Variants in PROS1 observed in about 807,000 individuals in gnomAD.
The protein encoded by PROS1 is vitamin K-dependent protein S.
In PROS1, 29 loss-of-function variants were observed where a neutral mutation model predicts 75.9. The ratio of observed to expected loss-of-function variants is 0.38; its 90% CI spans 0.28 to 0.52. The LOEUF is 0.52. Among genes scored for constraint, PROS1 ranks in the 20% least tolerant of loss-of-function variants. The pLI, the probability that PROS1 is intolerant of heterozygous loss-of-function variation, is 0.83. For synonymous variants in PROS1, 245 were observed against 280.6 expected (o/e 0.87, Z 1.27); for missense variants, 680 against 810.3 (o/e 0.84, Z 1.95).
intron 1 of PROS1, among the ~76,000 whole-genome samples, chr3:93,940,083 C>T (rs559920902): frequency 1.1e-4 from 17 of 152,308 alleles, no homozygotes; most frequent in African/African-American, 2.4e-4. Context: ...CTTCAAGTGC[C>T]GGAAATCTGG....
chr3:93,910,493 T>G, intron 4 of PROS1, 126 bp downstream of exon 4: 2 of 784,204 alleles, frequency 2.6e-6, no homozygotes, highest in Non-Finnish European at 4.4e-6. Context: ...AAATACTTCC[T>G]TGCTGGGCAT....
rs1265949362 is a variant in PROS1, at chr3:93,910,604, G to A, written c.346+15C>T. On this transcript the variant is annotated intron_variant, in intron 4 of 14. Coordinates refer to ENST00000394236, the MANE Select transcript of PROS1 (RefSeq NM_000313.4). ...TTTTTGTTTTGTTTTTTCAATTGAT[G>A]GTAGAAGTGCTTACCATTGACACAG... 1.3e-6 allele frequency: 2 copies of A among 1,597,612 alleles called. No individual in the cohort carries two copies. Among genetic ancestry groups the A allele is most frequent in the East Asian group, 4.5e-5 (2 of 44,788 alleles).
At chr3:93,960,289 G>A (rs1311353654) in intron 1 of PROS1, among the ~76,000 whole-genome samples, 1 of 150,820 alleles carries the variant, frequency 6.6e-6, no homozygotes, top group Non-Finnish European at 1.5e-5. Context: ...CCATTCTCCT[G>A]CCTCAGCCTC....
intron 6 of PROS1, among the ~76,000 whole-genome samples, chr3:93,902,973 T>G (rs1708620002): frequency 6.6e-6 from 1 of 151,656 alleles, no homozygotes; most frequent in African/African-American, 2.4e-5. Context: ...TTCACGCTAT[T>G]CTCCTGCCTC....
rs1008057923 is a variant in PROS1, at chr3:93,873,815, GA to G, written c.*429del. 8 of 193,842 alleles carry G rather than the reference GA, an allele frequency of 4.1e-5. No homozygotes were observed. The South Asian group carries it at 5.7e-4, about 14-fold the overall frequency. The allele number at this position is 193,842 out of a possible 1,614,324, so 12.0% of individuals were successfully genotyped here. A position where few individuals can be genotyped will look rare whatever the true frequency, so the allele number is the denominator to read the frequency against. ...CCACCATCTCTTCTGCCTTCATCAG[GA>G]AAAAAACAAAAACATAAACAAAATA... is the stretch of plus-strand genomic sequence containing the variant. On this transcript the variant is annotated 3_prime_UTR_variant, in exon 15 of 15. Coordinates refer to ENST00000394236, the MANE Select transcript of PROS1 (RefSeq NM_000313.4).
At chr3:93,874,448 C>T in intron 14 of PROS1, 43 bp from the exon 15 acceptor site, 1 of 1,607,720 alleles carries the variant, frequency 6.2e-7, no homozygotes, top group South Asian at 1.1e-5. Context: ...AGACTTTTAG[C>T]ATCTTGTTTG....
At chr3:93,897,363 T>C (rs1258606014) in intron 8 of PROS1, among the ~76,000 whole-genome samples, 1 of 151,918 alleles carries the variant, frequency 6.6e-6, no homozygotes, top group African/African-American at 2.4e-5. Flanking sequence ...TGAACACATA[T>C]GAGGATATTT....
rs1321771249 is a variant in PROS1, at chr3:93,874,347, A to G, written c.1929T>C (p.Asn643=). ...NAFYNGCMEV[N]INGVQLDLDE... is the part of the protein sequence containing the mutation. ...CCAGATCCAACTGTACACCATTAAT[A>G]TTCACTTCCATGCAGCCATTATAAA... The change falls in exon 15 of 15, where the codon AAT becomes AAC. Residue 643 remains asparagine (N), a synonymous_variant. Transcript: ENST00000394236. The G allele has an allele frequency of 6.2e-7, 1 of 1,613,338 alleles. No homozygotes were observed. Among genetic ancestry groups the G allele is most frequent in the Non-Finnish European group, 8.5e-7 (1 of 1,179,552 alleles).
At chr3:93,924,297 A>C in intron 2 of PROS1, 33 bp from the exon 3 acceptor site, 1 of 1,220,982 alleles carries the variant, frequency 8.2e-7, no homozygotes, top group Non-Finnish European at 1.1e-6. Flanking sequence ...ATATCTTAGC[A>C]AACCTAAATT....
intron 1 of PROS1, among the ~76,000 whole-genome samples, chr3:93,968,576 A>T (rs989816421): frequency 6.6e-6 from 1 of 152,166 alleles, no homozygotes. Flanking sequence ...AATTTTTTAC[A>T]TTCCGTCCTC....
chr3:93,916,046 G>C (rs372113880), intron 3 of PROS1, among the ~76,000 whole-genome samples: 2 of 152,246 alleles, frequency 1.3e-5, no homozygotes, highest in Admixed American at 6.5e-5. Context: ...TCTGGAGGCT[G>C]GGAAGTCCAA....
intron 1 of PROS1, among the ~76,000 whole-genome samples, chr3:93,957,879 A>G (rs375200865): frequency 3.2e-4 from 48 of 152,262 alleles, no homozygotes; most frequent in Middle Eastern, 6.8e-3. Context: ...CACCTGGATC[A>G]GGAGTTCGAG....
chr3:93,938,443 T>C (rs915241704), intron 1 of PROS1, among the ~76,000 whole-genome samples: 2 of 151,958 alleles, frequency 1.3e-5, no homozygotes, highest in African/African-American at 4.8e-5. Flanking sequence ...GCACATGACA[T>C]TTGGTGCCAA....
chr3:93,929,832 C>T (rs1375687959), intron 1 of PROS1, among the ~76,000 whole-genome samples: 1 of 152,136 alleles, frequency 6.6e-6, no homozygotes. Flanking sequence ...ATAAAATCTG[C>T]AAGTAACTTT....
intron 2 of PROS1, among the ~76,000 whole-genome samples, chr3:93,926,735 A>C (rs1163523588): frequency 6.6e-6 from 1 of 152,258 alleles, no homozygotes; most frequent in Non-Finnish European, 1.5e-5. Flanking sequence ...GCACACACAC[A>C]CACGTTAATA....
At chr3:93,934,542 A>G (rs1576202504) in intron 1 of PROS1, among the ~76,000 whole-genome samples, 2 of 152,256 alleles carry the variant, frequency 1.3e-5, no homozygotes, top group Admixed American at 6.5e-5. Context: ...ACATTCTGTA[A>G]TGAACTGTAT....
intron 1 of PROS1, among the ~76,000 whole-genome samples, chr3:93,969,887 C>T (rs748858400): frequency 1.3e-5 from 2 of 152,050 alleles, no homozygotes; most frequent in Admixed American, 6.5e-5. Flanking sequence ...GTATATAGAT[C>T]GCTCAAGCTG....
intron 9 of PROS1, 56 bp from the exon 10 acceptor site, chr3:93,893,178 C>A: frequency 1.4e-6 from 2 of 1,458,446 alleles, no homozygotes; most frequent in South Asian, 1.2e-5. Context: ...AAGCTCAATG[C>A]ATTATTCTTT....
intron 1 of PROS1, among the ~76,000 whole-genome samples, chr3:93,960,849 G>T (rs1709695525): frequency 6.6e-6 from 1 of 150,724 alleles, no homozygotes; most frequent in African/African-American, 2.4e-5. Context: ...AAAATCAGAG[G>T]GCTCTAATAA....
Sources: allele counts gnomAD v4.1 joint callset (sites outside exome capture counted in the v4.1 genomes callset), GRCh38; gene constraint gnomAD v4.1.1; transcripts MANE v1.5; gene names NCBI Gene and HGNC (gene_info 2026-07-23, HGNC 2026-07-21).